CACNA1D: variants seen among roughly 807,000 people sequenced by gnomAD.
CACNA1D encodes the protein calcium voltage-gated channel subunit alpha1 D.
A neutral mutation model predicts 257.1 loss-of-function variants in CACNA1D; 55 were observed. The ratio of observed to expected loss-of-function variants is 0.21; its 90% CI spans 0.17 to 0.27. The LOEUF is 0.27. Among genes scored for constraint, CACNA1D ranks in the 10% least tolerant of loss-of-function variants. The pLI, the probability that CACNA1D is intolerant of heterozygous loss-of-function variation, is 1.00. For synonymous variants in CACNA1D, 980 were observed against 1,014.9 expected (o/e 0.97, Z 0.65); for missense variants, 1,876 against 2,784.0 (o/e 0.67, Z 7.34).
At chr3:53,571,730 T>C (rs1017983383) in intron 3 of CACNA1D, among the ~76,000 whole-genome samples, 6 of 152,176 alleles carry the variant, frequency 3.9e-5, no homozygotes, top group East Asian at 1.9e-4. Flanking sequence ...TAATATCGCC[T>C]TTTTTAGACC....
At chr3:53,788,817 G>GGTTA (rs1472215178) in intron 40 of CACNA1D, among the ~76,000 whole-genome samples, 1 of 152,144 alleles carries the variant, frequency 6.6e-6, no homozygotes, top group Non-Finnish European at 1.5e-5. Flanking sequence ...ACAGCCAGCA[G>GGTTA]GTTAGCTAGG....
At chr3:53,547,377 G>C (rs1018931963) in intron 3 of CACNA1D, among the ~76,000 whole-genome samples, 2 of 152,196 alleles carry the variant, frequency 1.3e-5, no homozygotes, top group Non-Finnish European at 2.9e-5. Flanking sequence ...TCTAGTAGGG[G>C]AGACAGACTT....
chr3:53,577,564 G>A (rs1477590392), intron 3 of CACNA1D, among the ~76,000 whole-genome samples: 3 of 152,152 alleles, frequency 2.0e-5, no homozygotes, highest in Non-Finnish European at 4.4e-5. Context: ...CAAGGGAGGA[G>A]AGTTTTCTGG....
intron 15 of CACNA1D, among the ~76,000 whole-genome samples, chr3:53,729,558 GTGGGT>G (rs1444623720): frequency 1.3e-5 from 2 of 152,320 alleles, no homozygotes; most frequent in East Asian, 3.9e-4. Flanking sequence ...TTCACTGCTA[GTGGGT>G]AAGAAACAGG....
At chr3:53,574,372 C>T (rs1339603336) in intron 3 of CACNA1D, among the ~76,000 whole-genome samples, 1 of 152,198 alleles carries the variant, frequency 6.6e-6, no homozygotes, top group African/African-American at 2.4e-5. Context: ...ACTCTCTCTG[C>T]CTCCCTTGGT....
At chr3:53,806,058 C>CCTCCCTCA (rs1247722741) in intron 45 of CACNA1D, among the ~76,000 whole-genome samples, 1 of 144,488 alleles carries the variant, frequency 6.9e-6, no homozygotes, top group African/African-American at 2.6e-5. Context: ...CCCTCCTCCT[C>CCTCCCTCA]CTCCCTCATT....
intron 3 of CACNA1D, among the ~76,000 whole-genome samples, chr3:53,506,256 C>G (rs1033595027): frequency 6.6e-6 from 1 of 152,176 alleles, no homozygotes; most frequent in Non-Finnish European, 1.5e-5. Flanking sequence ...CTTGTCCACT[C>G]CCCGCCTGCC....
chr3:53,761,774 G>A (rs1164868508), intron 29 of CACNA1D, among the ~76,000 whole-genome samples: 4 of 152,070 alleles, frequency 2.6e-5, no homozygotes, highest in East Asian at 1.9e-4. Context: ...GTATGCACAC[G>A]TGCGTGTGTG....
At chr3:53,808,413 CAA>C (rs373675018) in intron 45 of CACNA1D, 6,895 of 406,512 alleles carry the variant, frequency 0.017, no homozygotes, top group South Asian at 0.023. Flanking sequence ...GACTCCATCT[CAA>C]AAAAAAAAAA....
At chr3:53,804,847 A>G in intron 44 of CACNA1D, 136 bp from the exon 45 acceptor site, 1 of 843,324 alleles carries the variant, frequency 1.2e-6, no homozygotes, top group Non-Finnish European at 2.0e-6. Context: ...CATGAAACTG[A>G]GGCCAGCCTT....
intron 39 of CACNA1D, among the ~76,000 whole-genome samples, chr3:53,784,447 T>G (rs1423413089): frequency 6.6e-6 from 1 of 152,194 alleles, no homozygotes; most frequent in Non-Finnish European, 1.5e-5. Flanking sequence ...TTTCTTGTTC[T>G]TAGGAACTCT....
intron 7 of CACNA1D, 118 bp downstream of exon 7, chr3:53,666,653 A>G (rs1448160833): frequency 1.2e-6 from 1 of 846,580 alleles, no homozygotes; most frequent in African/African-American, 1.7e-5. Context: ...TTATTTGGGA[A>G]GGGAAGCAGA....
intron 4 of CACNA1D, 55 bp downstream of exon 4, chr3:53,650,973 T>TG (rs140398062): frequency 0.025 from 27,526 of 1,115,182 alleles, 211 homozygotes; most frequent in East Asian, 0.029. Context: ...AGGTGGAGGT[T>TG]GGGGGGGGTG....
chr3:53,535,689 C>T (rs576010066), intron 3 of CACNA1D, among the ~76,000 whole-genome samples: 101 of 152,286 alleles, frequency 6.6e-4, no homozygotes, highest in Non-Finnish European at 4.9e-4. Context: ...TACTTGAAAT[C>T]CTGTTTTATC....
intron 3 of CACNA1D, among the ~76,000 whole-genome samples, chr3:53,567,605 T>C (rs1381457254): frequency 6.6e-6 from 1 of 152,178 alleles, no homozygotes; most frequent in Non-Finnish European, 1.5e-5. Flanking sequence ...GAACTTACTC[T>C]CTAGGATTAA....
rs74739786 is a variant in CACNA1D, at chr3:53,759,044, C to A, written c.3787-2954C>A. On this transcript the variant is annotated intron_variant, in intron 29 of 47. Coordinates refer to ENST00000350061, the MANE Select transcript of CACNA1D (RefSeq NM_001128840.3). ...CTCCCCTGGACTCCTGTCAGAGCCA[C>A]CTGGTCAGAGCCTGTGATTTCAGCC... is the stretch of plus-strand genomic sequence containing the variant. Among the ~76,000 whole-genome samples the A allele has an allele frequency of 2.2e-3, 342 of 152,262 alleles. 11 individuals carry two copies. In the East Asian group the frequency reaches 0.063, roughly 28 times the overall value.
intron 2 of CACNA1D, 80 bp downstream of exon 2, chr3:53,497,541 C>A: frequency 1.4e-6 from 2 of 1,424,186 alleles, no homozygotes; most frequent in Non-Finnish European, 9.9e-7. Flanking sequence ...TCTGAAGTGA[C>A]ACAAAGCTGT....
intron 29 of CACNA1D, 36 bp from the exon 30 acceptor site, chr3:53,761,962 T>G: frequency 7.0e-7 from 1 of 1,436,466 alleles, no homozygotes; most frequent in Non-Finnish European, 9.8e-7. Flanking sequence ...CATTCATACA[T>G]GCTCATAAAC....
At chr3:53,699,571 C>T (rs972346844) in intron 8 of CACNA1D, among the ~76,000 whole-genome samples, 6 of 152,142 alleles carry the variant, frequency 3.9e-5, no homozygotes, top group African/African-American at 1.4e-4. Context: ...GTAGGAGGGC[C>T]AAGGATTTAT....
Sources: allele counts gnomAD v4.1 joint callset (sites outside exome capture counted in the v4.1 genomes callset), GRCh38; gene constraint gnomAD v4.1.1; transcripts MANE v1.5; gene names NCBI Gene and HGNC (gene_info 2026-07-23, HGNC 2026-07-21).